Variants in SLFN5 observed in about 807,000 individuals in gnomAD.
SLFN5 encodes schlafen family member 5.
SLFN5 carries 34 observed loss-of-function variants against 48.5 expected under a neutral mutation model. That is an observed-to-expected ratio of 0.70 (90% CI 0.53 to 0.93). SLFN5 has a LOEUF of 0.93. Among genes scored for constraint, SLFN5 ranks in the 40% least tolerant of loss-of-function variants. The pLI is 0.00. For missense variants in SLFN5, 1,006 were observed against 1,071.3 expected, an observed-to-expected ratio of 0.94 and a Z score of 0.85; for synonymous variants, 387 against 396.2, an observed-to-expected ratio of 0.98 and a Z score of 0.28.
chr17:35,248,498 T>C (rs969808152), intron 1 of SLFN5, among the ~76,000 whole-genome samples: 2 of 152,136 alleles, frequency 1.3e-5, no homozygotes, highest in Non-Finnish European at 2.9e-5. Context: ...TTCCCCCTTA[T>C]CCTTCTATTA....
intron 1 of SLFN5, among the ~76,000 whole-genome samples, chr17:35,252,271 A>T (rs1289921798): frequency 6.6e-6 from 1 of 152,112 alleles, no homozygotes; most frequent in Non-Finnish European, 1.5e-5. Context: ...CTGTACAAAA[A>T]ATTTAAAAAA....
At chr17:35,251,172 A>G (rs2092441467) in intron 1 of SLFN5, among the ~76,000 whole-genome samples, 1 of 152,210 alleles carries the variant, frequency 6.6e-6, no homozygotes, top group Non-Finnish European at 1.5e-5. Context: ...TTTGTGCGAG[A>G]GCGATGTAGA....
rs35160124 is a variant in SLFN5, at chr17:35,266,177, T to TGTGTGCGC, written c.*290_*291insTGTGCGCG. ...GTGTGTGTGTGTGTGTGTGTGTGTG[T>TGTGTGCGC]GCGCGCGCGCACGTGCACATGTGTG... On this transcript the variant is annotated 3_prime_UTR_variant, in exon 5 of 5. Coordinates refer to ENST00000299977, the MANE Select transcript of SLFN5 (RefSeq NM_144975.4). The TGTGTGCGC allele has an allele frequency of 0.026, 4,457 of 173,158 alleles. 64 individuals are homozygous for TGTGTGCGC. The highest frequency in any genetic ancestry group is 0.047 in the South Asian group (291 of 6,214). 10.7% of individuals were successfully genotyped at this position (173,158 alleles called of 1,614,324 possible). A position where few individuals can be genotyped will look rare whatever the true frequency, so the allele number is the denominator to read the frequency against.
chr17:35,258,983 T>C lies in SLFN5; in HGVS notation c.293T>C (p.Phe98Ser). 1.9e-6 allele frequency: 3 copies of C among 1,614,210 alleles called. No individual in the cohort carries two copies. The highest frequency in any genetic ancestry group is 1.3e-5 in the African/African-American group (1 of 75,042). ...CAGAAGGAAAACCACTTTTTGATTT[T>C]TGTGAAATCATGGAACACAGAGGCT... ...KMQKENHFLI[F>S]VKSWNTEAGV... Residue 98 changes from phenylalanine (F) to serine (S), a missense_variant, in exon 2 of 5, where the codon TTT becomes TCT. By Grantham distance (155) the Phe-to-Ser change is radical (BLOSUM62 -2). Transcript: ENST00000299977.
chr17:35,259,866 A>G (rs1904472412), intron 2 of SLFN5, 164 bp downstream of exon 2: 1 of 797,746 alleles, frequency 1.3e-6, no homozygotes, highest in East Asian at 2.7e-5. Flanking sequence ...TAGTTCGTGG[A>G]TTATTGCCCT....
Position 35,271,401 on chromosome 17 carries a change from T to A in SLFN5, c.*5513T>A, listed in dbSNP as rs1444476240. On this transcript the variant is annotated 3_prime_UTR_variant, in exon 5 of 5. Coordinates refer to ENST00000299977, the MANE Select transcript of SLFN5 (RefSeq NM_144975.4). ...CAAATAAATTAGTGAAACATAAGGT[T>A]AAGTCTATACATATTATTTTCTAAT... 6.6e-6 allele frequency: 1 copy of A among 152,188 alleles called. No homozygotes were observed. Among genetic ancestry groups the A allele is most frequent in the Non-Finnish European group, 1.5e-5 (1 of 68,042 alleles). 9.4% of individuals were successfully genotyped at this position (152,188 alleles called of 1,614,324 possible).
chr17:35,247,816 T>C (rs2092434139), intron 1 of SLFN5, among the ~76,000 whole-genome samples: 1 of 152,252 alleles, frequency 6.6e-6, no homozygotes, highest in Non-Finnish European at 1.5e-5. Context: ...AGTGAGTTTG[T>C]GGTTCTCCCT....
In SLFN5 at chr17:35,266,075, CAGAT is replaced by C. The variant is rs1211258020; in HGVS notation, c.*191_*194del. On this transcript the variant is annotated 3_prime_UTR_variant, in exon 5 of 5. Transcript: ENST00000299977. ...CAGAGACAGACCACTGACAAATACA[CAGAT>C]AGACAAGGAATTTCCCATGGTAAAA... 2.8e-4 allele frequency: 172 copies of C among 606,880 alleles called. 3 individuals are homozygous for C. The highest frequency in any genetic ancestry group is 1.4e-4 in the Non-Finnish European group (49 of 360,518). 37.6% of individuals were successfully genotyped at this position (606,880 alleles called of 1,614,324 possible).
Position 35,259,332 on chromosome 17 carries a change from G to T in SLFN5, c.642G>T (p.Lys214Asn). The stretch of plus-strand genomic sequence containing the variant: ...ACTGTGTTAAAGACAGACTTCCGAA[G>T]TGTGTTTCTGCATTTGCAAATACTG... ...VSHCVKDRLPKCVSAFANTEG... is the reference protein window; with the variant it reads ...VSHCVKDRLPNCVSAFANTEG... The change falls in exon 2 of 5, where the codon AAG becomes AAT. Residue 214 changes from lysine to asparagine, a missense_variant. Lys to Asn is a moderately conservative substitution (Grantham distance 94, BLOSUM62 0). Transcript: ENST00000299977. 6.2e-7 allele frequency: 1 copy of T among 1,614,164 alleles called. No homozygotes were observed. Among genetic ancestry groups the T allele is most frequent in the Non-Finnish European group, 8.5e-7 (1 of 1,180,048 alleles).
At chr17:35,264,058 A>G in intron 3 of SLFN5, 125 bp from the exon 4 acceptor site, 2 of 1,133,038 alleles carry the variant, frequency 1.8e-6, no homozygotes, top group South Asian at 2.0e-5. Context: ...TCTTTTTATT[A>G]CTAATGTATA....
chr17:35,258,559 G>A (rs1366993592), intron 1 of SLFN5, 92 bp from the exon 2 acceptor site: 9 of 1,077,718 alleles, frequency 8.4e-6, no homozygotes, highest in Non-Finnish European at 1.2e-5. Context: ...TAAATGAAGG[G>A]ACCAACCTCA....
At position 35,265,102 on chromosome 17, in the gene SLFN5, G is replaced by C. The variant is rs143340860; in HGVS notation, c.1890G>C (p.Val630=). The change falls in exon 5 of 5, where the codon GTG becomes GTC. Residue 630 remains valine, a synonymous_variant. Coordinates refer to ENST00000299977, the MANE Select transcript of SLFN5 (RefSeq NM_144975.4). ...SFSKKNICQP[V]TRKTFMKNNF... ...GCAAGAAAAACATCTGCCAGCCAGT[G>C]ACCCGGAAAACCTTCATGAAAAACA... 1.9e-5 allele frequency: 31 copies of C among 1,612,080 alleles called. No individual in the cohort carries two copies. The African/African-American group carries it at 3.6e-4, about 19-fold the overall frequency.
intron 3 of SLFN5, among the ~76,000 whole-genome samples, chr17:35,261,651 G>A (rs1019936583): frequency 6.6e-6 from 1 of 150,450 alleles, no homozygotes; most frequent in Admixed American, 6.6e-5. Flanking sequence ...TTACAGGCAT[G>A]AGCCACCACG....
rs1307200193 is a variant in SLFN5, at chr17:35,269,167, G to A, written c.*3279G>A. ...TTTTGACCTAAAAATATTAAACCTAGTCAAAATATTATTCTAGTACAAAGG... is the reference window on the plus strand; with the variant it reads ...TTTTGACCTAAAAATATTAAACCTAATCAAAATATTATTCTAGTACAAAGG... On this transcript the variant is annotated 3_prime_UTR_variant, in exon 5 of 5. Transcript: ENST00000299977. 1 of 152,108 alleles carries A rather than the reference G, an allele frequency of 6.6e-6. No homozygotes were observed. Among genetic ancestry groups the A allele is most frequent in the Non-Finnish European group, 1.5e-5 (1 of 68,044 alleles). 9.4% of individuals were successfully genotyped at this position (152,108 alleles called of 1,614,324 possible). A position where few individuals can be genotyped will look rare whatever the true frequency, so the allele number is the denominator to read the frequency against.
chr17:35,263,701 T>C (rs1238178605), intron 3 of SLFN5, among the ~76,000 whole-genome samples: 1 of 151,438 alleles, frequency 6.6e-6, no homozygotes, highest in East Asian at 2.0e-4. Context: ...CACACGCCTT[T>C]GGTCCCAGCT....
chr17:35,248,862 A>G (rs1322930960), intron 1 of SLFN5, among the ~76,000 whole-genome samples: 1 of 152,196 alleles, frequency 6.6e-6, no homozygotes, highest in African/African-American at 2.4e-5. Context: ...TGTTGGTCAG[A>G]ATCTCAGGTG....
rs139295329 is a variant in SLFN5 at position 35,267,110 on chromosome 17, G to A, written c.*1222G>A. 30 of 152,228 alleles carry A rather than the reference G, an allele frequency of 2.0e-4. No individual in the cohort carries two copies. The East Asian group carries it at 5.2e-3, about 26-fold the overall frequency. The allele number at this position is 152,228 out of a possible 1,614,324, so 9.4% of individuals were successfully genotyped here. A position where few individuals can be genotyped will look rare whatever the true frequency, so the allele number is the denominator to read the frequency against. Reference sequence around the variant, plus strand: ...TTTTTAAATTTGAGACAATTTCACAGGAAAGCAAGAAATTAGTCTATTGTG... The same window carrying A: ...TTTTTAAATTTGAGACAATTTCACAAGAAAGCAAGAAATTAGTCTATTGTG... On this transcript the variant is annotated 3_prime_UTR_variant, in exon 5 of 5. Coordinates refer to ENST00000299977, the MANE Select transcript of SLFN5 (RefSeq NM_144975.4).
intron 3 of SLFN5, among the ~76,000 whole-genome samples, chr17:35,262,822 C>A (rs1199151405): frequency 6.6e-6 from 1 of 152,122 alleles, no homozygotes; most frequent in Non-Finnish European, 1.5e-5. Flanking sequence ...CATGATCATA[C>A]CATTGTACCC....
At position 35,264,248 on chromosome 17, in the gene SLFN5, G is replaced by T. The variant is rs1204479641; in HGVS notation, c.1204G>T (p.Gly402Ter). The stretch of plus-strand genomic sequence containing the variant: ...CAAGGAACTCTTCTCACAACATAAA[G>T]GACTCAGAGACTTAATAAATACAGA... ...LYKELFSQHKGLRDLINTEMR... is the reference protein window; with the variant it reads ...LYKELFSQHK Residue 402 changes from glycine (G) to a stop codon, truncating the protein, a stop_gained, in exon 4 of 5, where the codon GGA becomes TGA. Coordinates refer to ENST00000299977, the MANE Select transcript of SLFN5 (RefSeq NM_144975.4). LOFTEE classifies it high-confidence loss of function. 6.2e-7 allele frequency: 1 copy of T among 1,613,892 alleles called. No individual in the cohort carries two copies. The highest frequency in any genetic ancestry group is 2.2e-5 in the East Asian group (1 of 44,896).
Sources: gnomAD v4.1 joint callset for allele counts (sites outside exome capture counted in the v4.1 genomes callset) on GRCh38, gnomAD v4.1.1 for gene constraint, MANE v1.5 for transcripts, NCBI Gene and HGNC (gene_info 2026-07-23, HGNC 2026-07-21) for gene names.